RNF6: variants seen among roughly 807,000 people sequenced by gnomAD.
RNF6 encodes the protein E3 ubiquitin-protein ligase RNF6.
RNF6 carries 21 observed loss-of-function variants against 50.1 expected under a neutral mutation model. The ratio of observed to expected loss-of-function variants is 0.42; its 90% CI spans 0.30 to 0.60. RNF6 has a LOEUF of 0.60. Among genes scored for constraint, RNF6 ranks in the 20% least tolerant of loss-of-function variants. The pLI is 0.20. For missense variants in RNF6, 698 were observed against 838.2 expected, an observed-to-expected ratio of 0.83 and a Z score of 2.07; for synonymous variants, 255 against 291.8, an observed-to-expected ratio of 0.87 and a Z score of 1.29.
intron 5 of RNF6, among the ~76,000 whole-genome samples, chr13:26,161,492 T>C (rs565258): frequency 0.02 from 3,026 of 152,342 alleles, 71 homozygotes; most frequent in African/African-American, 0.062. Context: ...CTTTGTGTCC[T>C]GCAGTAAAAT....
intron 4 of RNF6, among the ~76,000 whole-genome samples, chr13:26,217,408 C>G (rs1415792563): frequency 1.3e-5 from 2 of 152,212 alleles, no homozygotes; most frequent in East Asian, 1.9e-4. Flanking sequence ...CCCTACTCTT[C>G]TTCCATTGTA....
At chr13:26,219,411 T>C in intron 3 of RNF6, 46 bp downstream of exon 3, 1 of 1,424,858 alleles carries the variant, frequency 7.0e-7, no homozygotes, top group African/African-American at 1.4e-5. Context: ...AATCCTTCCA[T>C]CTAAATGATG....
intron 5 of RNF6, among the ~76,000 whole-genome samples, chr13:26,144,693 A>C (rs1398323200): frequency 6.6e-6 from 1 of 152,242 alleles, no homozygotes; most frequent in Non-Finnish European, 1.5e-5. Context: ...CATATTGTGC[A>C]GAACTATCCG....
At chr13:26,153,160 G>GAA (rs71080233) in intron 5 of RNF6, among the ~76,000 whole-genome samples, 352 of 146,108 alleles carry the variant, frequency 2.4e-3, no homozygotes, top group East Asian at 0.018. Flanking sequence ...CTCAAGAAAA[G>GAA]AAAAAAAAAA....
intron 5 of RNF6, among the ~76,000 whole-genome samples, chr13:26,136,905 A>T (rs1404758589): frequency 1.3e-5 from 2 of 152,160 alleles, no homozygotes; most frequent in East Asian, 3.9e-4. Context: ...CAATCCAGGG[A>T]GCTTTTATTC....
Position 26,177,049 on chromosome 13 carries a change from A to G in RNF6, n.768+38425T>C, listed in dbSNP as rs547594100. Among the ~76,000 whole-genome samples the G allele has an allele frequency of 6.7e-4, 102 of 152,332 alleles. 1 individual carries two copies. The highest frequency in any genetic ancestry group is 2.4e-3 in the African/African-American group (100 of 41,570). ...ATTAGACTGATGGGTCTACAAGCCA[A>G]GAAGGAAAGATCGGCGGGGACCACC... On this transcript the variant is annotated intron_variant and non_coding_transcript_variant, in intron 5 of 5. Coordinates refer to the RNF6 transcript ENST00000468480.
chr13:26,151,263 T>C (rs1871573705), intron 5 of RNF6, among the ~76,000 whole-genome samples: 1 of 151,692 alleles, frequency 6.6e-6, no homozygotes, highest in African/African-American at 2.4e-5. Context: ...GATGGTCTGA[T>C]ATCTTTTTTT....
intron 5 of RNF6, among the ~76,000 whole-genome samples, chr13:26,195,293 C>T (rs888013499): frequency 6.6e-5 from 10 of 151,882 alleles, no homozygotes; most frequent in Admixed American, 2.6e-4. Flanking sequence ...GTAGACTGGA[C>T]GCAGCTAAGG....
chr13:26,160,000 T>C (rs1872120095), intron 5 of RNF6, among the ~76,000 whole-genome samples: 1 of 152,168 alleles, frequency 6.6e-6, no homozygotes, highest in Admixed American at 6.6e-5. Flanking sequence ...CTTGTCAAAA[T>C]GATGTCTATG....
chr13:26,149,451 G>T (rs1047357871), intron 5 of RNF6, among the ~76,000 whole-genome samples: 1 of 152,048 alleles, frequency 6.6e-6, no homozygotes, highest in African/African-American at 2.4e-5. Flanking sequence ...GCTGAGCGTG[G>T]TGGCAGGCGC....
intron 5 of RNF6, among the ~76,000 whole-genome samples, chr13:26,207,189 C>A: frequency 6.7e-6 from 1 of 150,070 alleles, no homozygotes. Context: ...CCAGAGAGGC[C>A]AGAGGGGAAA....
chr13:26,210,407 A>G (rs1566434927), downstream of RNF6, among the ~76,000 whole-genome samples: 1 of 152,190 alleles, frequency 6.6e-6, no homozygotes, highest in Non-Finnish European at 1.5e-5. Context: ...CCTCAGACTG[A>G]GCTTGTCAAC....
chr13:26,177,592 A>G (rs1046936992), intron 5 of RNF6, among the ~76,000 whole-genome samples: 2 of 151,926 alleles, frequency 1.3e-5, no homozygotes, highest in African/African-American at 4.8e-5. Context: ...CCAAAACCCA[A>G]CTCACCCAAA....
At chr13:26,207,886 T>C (rs1869171754), downstream of RNF6, among the ~76,000 whole-genome samples, 1 of 152,268 alleles carries the variant, frequency 6.6e-6, no homozygotes, top group East Asian at 1.9e-4. Flanking sequence ...AGCAGACTTT[T>C]CTGCCTTGCT....
At chr13:26,165,145 G>T (rs1463314973) in intron 5 of RNF6, among the ~76,000 whole-genome samples, 1 of 152,124 alleles carries the variant, frequency 6.6e-6, no homozygotes, top group Non-Finnish European at 1.5e-5. Flanking sequence ...CATTCCAGCT[G>T]CCCCAGCCAT....
At chr13:26,148,345 C>T (rs1871359935) in intron 5 of RNF6, among the ~76,000 whole-genome samples, 1 of 151,950 alleles carries the variant, frequency 6.6e-6, no homozygotes, top group South Asian at 2.1e-4. Context: ...ACACAGGTAC[C>T]CAGATCCTTG....
At chr13:26,210,090 CACT>C (rs1364781771), downstream of RNF6, among the ~76,000 whole-genome samples, 3 of 152,120 alleles carry the variant, frequency 2.0e-5, no homozygotes, top group African/African-American at 4.8e-5. Flanking sequence ...AAAAAATCAC[CACT>C]GACAGCCATC....
At chr13:26,198,826 G>T (rs1483428573) in intron 5 of RNF6, among the ~76,000 whole-genome samples, 1 of 151,854 alleles carries the variant, frequency 6.6e-6, no homozygotes, top group Non-Finnish European at 1.5e-5. Context: ...CAATTGTACA[G>T]GTATAGGTAA....
chr13:26,161,990 T>C (rs73158245), intron 5 of RNF6, among the ~76,000 whole-genome samples: 1,884 of 152,346 alleles, frequency 0.012, 17 homozygotes, highest in Non-Finnish European at 0.02. Flanking sequence ...GTCTAAACAT[T>C]ACCTATCTAG....
Sources: gnomAD v4.1 joint callset for allele counts (sites outside exome capture counted in the v4.1 genomes callset) on GRCh38, gnomAD v4.1.1 for gene constraint, MANE v1.5 for transcripts, NCBI Gene and HGNC (gene_info 2026-07-23, HGNC 2026-07-21) for gene names.